The following MAPK10 variants were observed in gnomAD, a reference collection of about 807,000 sequenced individuals.
The protein encoded by MAPK10 is mitogen-activated protein kinase 10.
MAPK10 carries 25 observed loss-of-function variants against 59.3 expected under a neutral mutation model. The ratio of observed to expected loss-of-function variants is 0.42; its 90% CI spans 0.31 to 0.59. MAPK10 has a LOEUF of 0.59. MAPK10 is among the 20% of genes least tolerant of loss of function. The probability of loss-of-function intolerance (pLI) is 0.15; values close to 1 mark genes in which losing one functional copy is unlikely to be tolerated. For missense variants in MAPK10, 351 were observed against 568.9 expected (o/e 0.62, Z 3.90); for synonymous variants, 190 against 200.5 (o/e 0.95, Z 0.44).
intron 1 of MAPK10, among the ~76,000 whole-genome samples, chr4:86,369,145 C>A (rs575070978): frequency 1.3e-5 from 2 of 152,202 alleles, no homozygotes; most frequent in Non-Finnish European, 2.9e-5. Flanking sequence ...CACTCTGCGG[C>A]AATTCCTGCA....
At chr4:86,215,973 G>A (rs962027512) in intron 2 of MAPK10, among the ~76,000 whole-genome samples, 12 of 152,008 alleles carry the variant, frequency 7.9e-5, no homozygotes, top group East Asian at 3.9e-4. Context: ...AATAACAAGC[G>A]TTGTTGAGAA....
intron 9 of MAPK10, among the ~76,000 whole-genome samples, chr4:86,086,374 T>C (rs962411980): frequency 2.6e-5 from 4 of 152,162 alleles, no homozygotes; most frequent in African/African-American, 9.7e-5. Context: ...AATAATTTAA[T>C]TGTACATTTT....
intron 2 of MAPK10, among the ~76,000 whole-genome samples, chr4:86,305,297 G>A (rs1029124395): frequency 2.6e-5 from 4 of 152,082 alleles, no homozygotes; most frequent in Non-Finnish European, 5.9e-5. Context: ...TGCTAACCTA[G>A]TAAAGAGTCA....
chr4:86,075,973 G>T (rs918849058), intron 9 of MAPK10, among the ~76,000 whole-genome samples: 5 of 151,810 alleles, frequency 3.3e-5, no homozygotes, highest in African/African-American at 1.2e-4. Context: ...CTGGGCAATG[G>T]CGGGCGCCCC....
At chr4:86,364,113 T>A (rs976519021), upstream of MAPK10, among the ~76,000 whole-genome samples, 8 of 149,750 alleles carry the variant, frequency 5.3e-5, no homozygotes, top group Non-Finnish European at 1.0e-4. Context: ...GTTGTTGTTG[T>A]TGTTGTTGTT....
intron 2 of MAPK10, among the ~76,000 whole-genome samples, chr4:86,220,118 G>A (rs944138422): frequency 6.6e-6 from 1 of 152,264 alleles, no homozygotes; most frequent in Non-Finnish European, 1.5e-5. Flanking sequence ...GGAGAAAACT[G>A]TATAAACAAA....
intron 1 of MAPK10, among the ~76,000 whole-genome samples, chr4:86,541,313 C>T (rs2149095248): frequency 6.6e-6 from 1 of 152,272 alleles, no homozygotes; most frequent in Non-Finnish European, 1.5e-5. Context: ...AATTGCTCTG[C>T]ACTGCACTGC....
At position 86,202,338 on chromosome 4, in the gene MAPK10, T is replaced by C. The variant is rs1033972286; in HGVS notation, c.-6-7931A>G. Among the ~76,000 whole-genome samples, 11 of 152,004 alleles carry C rather than the reference T, an allele frequency of 7.2e-5. No individual in the cohort carries two copies. The East Asian group carries it at 9.7e-4, about 13-fold the overall frequency. ...AGCACTTTGTTCATTACTTTTGTTA[T>C]GAATATCGTATAGTATTGTAACCAT... is the stretch of plus-strand genomic sequence containing the variant. On this transcript the variant is annotated intron_variant, in intron 2 of 13. Coordinates refer to ENST00000641462, the MANE Select transcript of MAPK10 (RefSeq NM_138982.4).
At chr4:86,135,050 T>C (rs1180176605) in intron 4 of MAPK10, among the ~76,000 whole-genome samples, 1 of 152,148 alleles carries the variant, frequency 6.6e-6, no homozygotes, top group Non-Finnish European at 1.5e-5. Context: ...CAAGGAGTCT[T>C]GCTGATTCCT....
At chr4:86,399,456 G>GT (rs1743391478) in intron 1 of MAPK10, among the ~76,000 whole-genome samples, 1 of 152,052 alleles carries the variant, frequency 6.6e-6, no homozygotes, top group Admixed American at 6.5e-5. Flanking sequence ...AGGGTTATTT[G>GT]TTTTTTGTTT....
intron 2 of MAPK10, among the ~76,000 whole-genome samples, chr4:86,313,286 CT>C (rs1328550138): frequency 6.6e-6 from 1 of 152,026 alleles, no homozygotes; most frequent in Non-Finnish European, 1.5e-5. Context: ...TAAAAAGCAT[CT>C]AGAAAATAAG....
At chr4:86,512,927 C>T (rs1756386340) in intron 1 of MAPK10, among the ~76,000 whole-genome samples, 1 of 152,122 alleles carries the variant, frequency 6.6e-6, no homozygotes, top group Non-Finnish European at 1.5e-5. Context: ...TCAGAACAAC[C>T]CTCCATATCA....
chr4:86,131,541 T>TA (rs2061009266), intron 4 of MAPK10, among the ~76,000 whole-genome samples: 1 of 152,144 alleles, frequency 6.6e-6, no homozygotes, highest in South Asian at 2.1e-4. Flanking sequence ...CCCCAGTTTT[T>TA]ATCATAGACT....
chr4:86,034,580 A>G (rs1412037572), intron 11 of MAPK10, among the ~76,000 whole-genome samples: 1 of 152,214 alleles, frequency 6.6e-6, no homozygotes, highest in African/African-American at 2.4e-5. Context: ...ATGGCAGACT[A>G]TATAAAAAAC....
chr4:86,339,115 G>A (rs565163187), intron 2 of MAPK10, among the ~76,000 whole-genome samples: 6 of 152,186 alleles, frequency 3.9e-5, no homozygotes, highest in Non-Finnish European at 7.3e-5. Context: ...TACACACAGT[G>A]TATCGGCAGG....
At chr4:86,103,112 T>TGTGTG in intron 6 of MAPK10, 74 bp downstream of exon 6, 2 of 813,620 alleles carry the variant, frequency 2.5e-6, no homozygotes, top group Non-Finnish European at 4.3e-6. Context: ...TGTGTGTGTG[T>TGTGTG]GTGTGGTGTG....
intron 11 of MAPK10, among the ~76,000 whole-genome samples, chr4:86,055,224 A>ACATATCTGCATCAGCTGTCTCTCTGG (rs1553934479): frequency 1.3e-5 from 2 of 150,296 alleles, no homozygotes; most frequent in African/African-American, 2.5e-5. Flanking sequence ...TAAAATCACT[A>ACATATCTGCATCAGCTGTCTCTCTGG]ACATGCTAAA....
At chr4:86,292,815 T>A (rs2095263767) in intron 2 of MAPK10, among the ~76,000 whole-genome samples, 1 of 152,008 alleles carries the variant, frequency 6.6e-6, no homozygotes, top group South Asian at 2.1e-4. Flanking sequence ...TGATATTGAG[T>A]ATGGGAGGGC....
In MAPK10 at chr4:86,015,777, C is replaced by T. The variant is rs1418181038; in HGVS notation, c.*1451G>A. ...CTCTTACATCTACTGCAGTACAAAA[C>T]TCAGATGATCAGCCCTTCGATTGCT... On this transcript the variant is annotated 3_prime_UTR_variant, in exon 14 of 14. Transcript: ENST00000641462. The T allele has an allele frequency of 6.6e-6, 1 of 152,086 alleles. No individual in the cohort carries two copies. Among genetic ancestry groups the T allele is most frequent in the Non-Finnish European group, 1.5e-5 (1 of 68,022 alleles). The allele number at this position is 152,086 out of a possible 1,614,324, so 9.4% of individuals were successfully genotyped here. A position where few individuals can be genotyped will look rare whatever the true frequency, so the allele number is the denominator to read the frequency against.
Sources: allele counts gnomAD v4.1 joint callset (sites outside exome capture counted in the v4.1 genomes callset), GRCh38; gene constraint gnomAD v4.1.1; transcripts MANE v1.5; gene names NCBI Gene and HGNC (gene_info 2026-07-23, HGNC 2026-07-21).